Variants in ENAH observed in about 807,000 individuals in gnomAD.
ENAH encodes the protein ENAH actin regulator, also known as protein enabled homolog.
A neutral mutation model predicts 78.7 loss-of-function variants in ENAH; 23 were observed. That is an observed-to-expected ratio of 0.29 (90% CI 0.21 to 0.41). The LOEUF (loss-of-function observed/expected upper bound fraction) is 0.41. Among genes scored for constraint, ENAH ranks in the 10% least tolerant of loss-of-function variants. ENAH has a pLI of 1.00. For synonymous variants in ENAH, 226 were observed against 241.0 expected (o/e 0.94, Z 0.58); for missense variants, 544 against 691.0 (o/e 0.79, Z 2.39).
At chr1:225,608,220 G>GA (rs60998592) in intron 1 of ENAH, among the ~76,000 whole-genome samples, 30,481 of 91,234 alleles carry the variant, frequency 0.33, 4,027 homozygotes, top group East Asian at 0.4. Context: ...ATAAAAAACA[G>GA]AAAAAAAAAA....
chr1:225,597,336 G>GT (rs1479519339), intron 1 of ENAH, among the ~76,000 whole-genome samples: 4 of 152,206 alleles, frequency 2.6e-5, no homozygotes, highest in Middle Eastern at 3.4e-3. Context: ...AAATGTCTAT[G>GT]TTAAGACTGA....
rs114598026 is a variant in ENAH at position 225,566,639 on chromosome 1, C to T, written c.171+610G>A. Among the ~76,000 whole-genome samples the T allele has an allele frequency of 5.0e-3, 768 of 152,240 alleles. 5 individuals carry two copies. Among genetic ancestry groups the T allele is most frequent in the African/African-American group, 0.018 (740 of 41,534 alleles). On this transcript the variant is annotated intron_variant, in intron 2 of 13. Coordinates refer to ENST00000366843, the MANE Select transcript of ENAH (RefSeq NM_018212.6). ...AGTATATAGTTAATGCTAGTAAGAGCTTATCTGCCTTTTCCTCTATCTACT... is the reference window on the plus strand; with the variant it reads ...AGTATATAGTTAATGCTAGTAAGAGTTTATCTGCCTTTTCCTCTATCTACT...
chr1:225,497,698 T>C lies in ENAH; in HGVS notation c.*77A>G. Reference sequence around the variant, plus strand: ...TCTTACAGCTCATAAATGTAGGGGTTTGCTGTTGTGAACAGTTGTTGTTTG... The same window carrying C: ...TCTTACAGCTCATAAATGTAGGGGTCTGCTGTTGTGAACAGTTGTTGTTTG... On this transcript the variant is annotated 3_prime_UTR_variant, in exon 14 of 14. Coordinates refer to ENST00000366843, the MANE Select transcript of ENAH (RefSeq NM_018212.6). 3 of 1,441,838 alleles carry C rather than the reference T, an allele frequency of 2.1e-6. No individual in the cohort carries two copies. In the South Asian group the frequency reaches 3.6e-5, roughly 17 times the overall value. The allele number at this position is 1,441,838 out of a possible 1,614,324, so 89.3% of individuals were successfully genotyped here. A position where few individuals can be genotyped will look rare whatever the true frequency, so the allele number is the denominator to read the frequency against.
At chr1:225,521,785 T>TTTTTG (rs894749826) in intron 4 of ENAH, among the ~76,000 whole-genome samples, 3 of 151,918 alleles carry the variant, frequency 2.0e-5, no homozygotes, top group Admixed American at 1.3e-4. Context: ...AACGATAGTT[T>TTTTTG]TTTTGTTTTG....
At chr1:225,499,907 A>T (rs2096272462) in intron 12 of ENAH, among the ~76,000 whole-genome samples, 1 of 152,202 alleles carries the variant, frequency 6.6e-6, no homozygotes, top group Non-Finnish European at 1.5e-5. Context: ...GTTTGTCTTC[A>T]TTTTAACAAT....
At chr1:225,501,421 TA>T (rs1268871727) in intron 11 of ENAH, among the ~76,000 whole-genome samples, 5 of 152,216 alleles carry the variant, frequency 3.3e-5, no homozygotes, top group Admixed American at 3.3e-4. Flanking sequence ...GAGGCTCAAA[TA>T]ACACAATCTT....
At chr1:225,579,189 G>A (rs2096802234) in intron 1 of ENAH, among the ~76,000 whole-genome samples, 1 of 152,098 alleles carries the variant, frequency 6.6e-6, no homozygotes, top group Non-Finnish European at 1.5e-5. Context: ...TCCAGGTCTG[G>A]ACTTGCAACC....
chr1:225,640,922 G>C (rs1030058207), intron 1 of ENAH, among the ~76,000 whole-genome samples: 5 of 140,392 alleles, frequency 3.6e-5, no homozygotes, highest in African/African-American at 1.3e-4. Context: ...TTGAGACAGA[G>C]TCTCGTTCTG....
At chr1:225,625,577 T>C (rs547839440) in intron 1 of ENAH, among the ~76,000 whole-genome samples, 18 of 152,288 alleles carry the variant, frequency 1.2e-4, no homozygotes, top group Admixed American at 1.2e-3. Context: ...GGCTGCAGTG[T>C]AATGACATGA....
At chr1:225,535,521 C>G (rs1301700589) in intron 3 of ENAH, 1 of 1,303,336 alleles carries the variant, frequency 7.7e-7, no homozygotes, top group Non-Finnish European at 1.0e-6. Context: ...GAAAATACAT[C>G]GCAAATTAGT....
At chr1:225,618,671 T>C (rs1656248511) in intron 1 of ENAH, among the ~76,000 whole-genome samples, 1 of 152,182 alleles carries the variant, frequency 6.6e-6, no homozygotes, top group Non-Finnish European at 1.5e-5. Flanking sequence ...TTCTCAGTGA[T>C]CACTCTACAA....
intron 1 of ENAH, among the ~76,000 whole-genome samples, chr1:225,648,154 TCTAA>T (rs1214877584): frequency 1.3e-5 from 2 of 152,160 alleles, no homozygotes; most frequent in African/African-American, 4.8e-5. Flanking sequence ...GCTCATATTC[TCTAA>T]CTTTTACTTC....
chr1:225,596,060 A>C (rs777251177), intron 1 of ENAH, among the ~76,000 whole-genome samples: 1 of 152,196 alleles, frequency 6.6e-6, no homozygotes, highest in Admixed American at 6.5e-5. Flanking sequence ...ATAGCCTCTC[A>C]CAATTTTTCT....
intron 1 of ENAH, among the ~76,000 whole-genome samples, chr1:225,601,702 GCATA>G (rs1230947507): frequency 6.6e-6 from 1 of 151,734 alleles, no homozygotes; most frequent in African/African-American, 2.4e-5. Context: ...AGGCACAAGG[GCATA>G]CAGATTATGT....
chr1:225,501,306 G>T, intron 11 of ENAH: 1 of 434,290 alleles, frequency 2.3e-6, no homozygotes. Context: ...AAGATGGTGA[G>T]ACTTCTTCAG....
chr1:225,561,549 G>A (rs1453089844), intron 2 of ENAH, among the ~76,000 whole-genome samples: 1 of 151,048 alleles, frequency 6.6e-6, no homozygotes, highest in African/African-American at 2.4e-5. Flanking sequence ...TTGAACCAGG[G>A]AGTTGAAGGT....
intron 1 of ENAH, among the ~76,000 whole-genome samples, chr1:225,641,513 G>A (rs570271034): frequency 1.3e-4 from 19 of 141,614 alleles, no homozygotes; most frequent in African/African-American, 3.4e-4. Flanking sequence ...AAAAACCAAT[G>A]AGTTGCCGCA....
intron 1 of ENAH, among the ~76,000 whole-genome samples, chr1:225,596,279 A>G (rs1188411634): frequency 6.6e-6 from 1 of 152,214 alleles, no homozygotes; most frequent in Non-Finnish European, 1.5e-5. Context: ...AGTGATAACC[A>G]GGAATTTATA....
At chr1:225,538,562 CT>C (rs373113532) in intron 3 of ENAH, among the ~76,000 whole-genome samples, 25 of 146,556 alleles carry the variant, frequency 1.7e-4, no homozygotes, top group South Asian at 2.2e-4. Context: ...TCCCCCCCGC[CT>C]TTTTTTTTTC....
Sources: gnomAD v4.1 joint callset for allele counts (sites outside exome capture counted in the v4.1 genomes callset) on GRCh38, gnomAD v4.1.1 for gene constraint, MANE v1.5 for transcripts, NCBI Gene and HGNC (gene_info 2026-07-23, HGNC 2026-07-21) for gene names.